Variants in PCDH15 observed in about 807,000 individuals in gnomAD.
PCDH15 encodes protocadherin-15.
A neutral mutation model predicts 178.5 loss-of-function variants in PCDH15; 129 were observed. The observed-to-expected ratio is 0.72, with a 90% CI of 0.63 to 0.84. PCDH15 has a LOEUF of 0.84. Among genes scored for constraint, PCDH15 ranks in the 40% least tolerant of loss-of-function variants. The pLI, the probability that PCDH15 is intolerant of heterozygous loss-of-function variation, is 0.00. For synonymous variants in PCDH15, 800 were observed against 732.0 expected, an observed-to-expected ratio of 1.09 and a Z score of -1.50; for missense variants, 2,230 against 2,099.9, an observed-to-expected ratio of 1.06 and a Z score of -1.21.
intron 3 of PCDH15, among the ~76,000 whole-genome samples, chr10:54,517,053 G>A (rs1253853044): frequency 1.3e-5 from 2 of 152,110 alleles, no homozygotes; most frequent in Non-Finnish European, 2.9e-5. Context: ...AAGAGCTCCT[G>A]AAGGAAGCAC....
At chr10:54,136,539 C>A (rs930962842) in intron 14 of PCDH15, among the ~76,000 whole-genome samples, 11 of 152,040 alleles carry the variant, frequency 7.2e-5, no homozygotes, top group African/African-American at 2.7e-4. Context: ...ACAAGAATAT[C>A]AGTGTCTTAA....
chr10:54,952,135 G>A (rs1170285703), intron 2 of PCDH15, among the ~76,000 whole-genome samples: 1 of 151,800 alleles, frequency 6.6e-6, no homozygotes, highest in East Asian at 1.9e-4. Flanking sequence ...ATCTGGGAAT[G>A]TTATAGTTTT....
At chr10:54,770,825 C>A (rs1426519803) in intron 1 of PCDH15, among the ~76,000 whole-genome samples, 2 of 151,912 alleles carry the variant, frequency 1.3e-5, no homozygotes, top group African/African-American at 4.8e-5. Flanking sequence ...CTTCACTAGA[C>A]CCCCAGAGCT....
At chr10:55,417,825 G>C (rs996153756) in intron 2 of PCDH15, among the ~76,000 whole-genome samples, 2 of 150,204 alleles carry the variant, frequency 1.3e-5, no homozygotes, top group Non-Finnish European at 3.0e-5. Flanking sequence ...ACAACAAGAA[G>C]AGAAGATTTA....
At chr10:54,258,051 A>T (rs1327049469) in intron 8 of PCDH15, among the ~76,000 whole-genome samples, 2 of 152,116 alleles carry the variant, frequency 1.3e-5, no homozygotes, top group African/African-American at 4.8e-5. Flanking sequence ...AAGATAATTA[A>T]TTGGTACATT....
chr10:55,501,952 T>A lies in PCDH15; in HGVS notation c.-156+125673A>T, dbSNP rs186228315. ...GCAACTTACTATATAGCCAAATTTT[T>A]AAAAATATTTAAAAATGTTTTTTTT... On this transcript the variant is annotated intron_variant, in intron 2 of 5. Coordinates refer to the PCDH15 transcript ENST00000613346. Among the ~76,000 whole-genome samples the A allele has an allele frequency of 3.7e-3, 562 of 151,864 alleles. 12 individuals carry two copies. Among genetic ancestry groups the A allele is most frequent in the Middle Eastern group, 3.4e-3 (1 of 294 alleles).
At chr10:53,825,001 ACTTTCCTTTTAACAGT>A in intron 32 of PCDH15, 1 of 1,152,696 alleles carries the variant, frequency 8.7e-7, no homozygotes, top group Non-Finnish European at 1.1e-6. Context: ...GGAAGACAAA[ACTTTCCTTTTAACAGT>A]AAGTGAGTCT....
chr10:54,820,049 A>G (rs1003039431), intron 3 of PCDH15, among the ~76,000 whole-genome samples: 6 of 152,072 alleles, frequency 3.9e-5, no homozygotes, highest in African/African-American at 1.4e-4. Flanking sequence ...AGAAATCATT[A>G]TCAAAGTGTA....
chr10:55,341,783 ATATATATATATATATATATATAT>A (rs1844573406), intron 2 of PCDH15, among the ~76,000 whole-genome samples: 1 of 13,466 alleles, frequency 7.4e-5, no homozygotes, highest in Non-Finnish European at 2.0e-4. Flanking sequence ...ATATATATAT[ATATATATATATATATATATATAT>A]TTTTTTTTTT....
intron 3 of PCDH15, among the ~76,000 whole-genome samples, chr10:54,435,035 C>T (rs536621894): frequency 7.1e-6 from 1 of 141,340 alleles, no homozygotes; most frequent in African/African-American, 2.7e-5. Context: ...TTATTTACTT[C>T]TCTGTGGTTT....
intron 1 of PCDH15, among the ~76,000 whole-genome samples, chr10:55,302,453 T>C (rs1843310775): frequency 6.6e-6 from 1 of 152,114 alleles, no homozygotes; most frequent in South Asian, 2.1e-4. Context: ...CCATGAAAGC[T>C]AGTAAGTACA....
intron 8 of PCDH15, among the ~76,000 whole-genome samples, chr10:54,312,639 C>T (rs1479685055): frequency 6.6e-6 from 1 of 152,044 alleles, no homozygotes; most frequent in Non-Finnish European, 1.5e-5. Flanking sequence ...AAAATGAAGC[C>T]TCAGTCTTCA....
chr10:54,019,596 A>T (rs1237507402), intron 20 of PCDH15, among the ~76,000 whole-genome samples: 2 of 152,126 alleles, frequency 1.3e-5, no homozygotes, highest in Admixed American at 6.6e-5. Context: ...CTAGAAATTC[A>T]AAAAGTTAAA....
chr10:55,222,163 CCGCGCCCAGCCTATATAATTTAA>C (rs1468935121), intron 1 of PCDH15, among the ~76,000 whole-genome samples: 1 of 151,802 alleles, frequency 6.6e-6, no homozygotes, highest in Admixed American at 6.6e-5. Context: ...GTGTGAGCCA[CCGCGCCCAGCCTATATAATTTAA>C]TTTTTAATTA....
rs35940637 is a variant in PCDH15, at chr10:55,589,081, C to CAAA, written c.-156+38541_-156+38543dup. ...GGGCAGCAAGAGCAAAATTCCGTGTCAAAAAAAAAAAAAAAAAAAAGAAAG... is the reference window on the plus strand; with the variant it reads ...GGGCAGCAAGAGCAAAATTCCGTGTCAAAAAAAAAAAAAAAAAAAAAAAGAAAG... On this transcript the variant is annotated intron_variant, in intron 2 of 5. Transcript: ENST00000613346. Among the ~76,000 whole-genome samples, 525 of 81,056 alleles carry CAAA rather than the reference C, an allele frequency of 6.5e-3. 5 individuals carry two copies. The highest frequency in any genetic ancestry group is 0.028 in the East Asian group (82 of 2,896). The allele number at this position is 81,056 out of a possible 152,430, so 53.2% of individuals were successfully genotyped here.
chr10:54,930,678 TTATTA>T (rs1363475840), intron 2 of PCDH15, among the ~76,000 whole-genome samples: 1 of 152,152 alleles, frequency 6.6e-6, no homozygotes, highest in African/African-American at 2.4e-5. Context: ...AACCTTGAAA[TTATTA>T]TATTATATAA....
intron 1 of PCDH15, among the ~76,000 whole-genome samples, chr10:55,272,473 C>T (rs770447677): frequency 6.6e-6 from 1 of 151,582 alleles, no homozygotes; most frequent in East Asian, 1.9e-4. Flanking sequence ...GACGCGATCT[C>T]GGCTCACTGC....
chr10:54,366,691 G>A (rs540915348), intron 5 of PCDH15, among the ~76,000 whole-genome samples: 2 of 150,558 alleles, frequency 1.3e-5, no homozygotes, highest in African/African-American at 4.9e-5. Context: ...TTTTTTTGAT[G>A]CTATTTCAAG....
intron 1 of PCDH15, among the ~76,000 whole-genome samples, chr10:55,262,375 T>C (rs1477593646): frequency 6.6e-6 from 1 of 152,122 alleles, no homozygotes; most frequent in Non-Finnish European, 1.5e-5. Context: ...TGTGCCTAAA[T>C]GTTGCATTTC....
Sources: allele counts gnomAD v4.1 joint callset (sites outside exome capture counted in the v4.1 genomes callset), GRCh38; gene constraint gnomAD v4.1.1; transcripts MANE v1.5; gene names NCBI Gene and HGNC (gene_info 2026-07-23, HGNC 2026-07-21).